The following STK32B variants were observed in gnomAD, a reference collection of about 807,000 sequenced individuals.
STK32B encodes the protein serine/threonine kinase 32B.
A neutral mutation model predicts 52.6 loss-of-function variants in STK32B; 43 were observed. The observed-to-expected ratio is 0.82, with a 90% CI of 0.64 to 1.05. STK32B has a LOEUF of 1.05. STK32B is among the 50% of genes least tolerant of loss of function. STK32B has a pLI of 0.00. For missense variants in STK32B, 621 were observed against 534.6 expected (o/e 1.16, Z -1.59); for synonymous variants, 238 against 204.3 (o/e 1.17, Z -1.41).
intron 1 of STK32B, among the ~76,000 whole-genome samples, chr4:5,074,688 C>T (rs765587083): frequency 6.3e-4 from 96 of 152,122 alleles, no homozygotes; most frequent in African/African-American, 2.0e-3. Context: ...ATGAATATTA[C>T]GCTATTTTAT....
chr4:5,088,050 A>G (rs1050882596), intron 1 of STK32B, among the ~76,000 whole-genome samples: 3 of 152,100 alleles, frequency 2.0e-5, no homozygotes. Flanking sequence ...TTGACCATAA[A>G]ACAGTCTCAA....
intron 3 of STK32B, among the ~76,000 whole-genome samples, chr4:5,270,493 C>G (rs537868982): frequency 7.2e-5 from 11 of 152,064 alleles, no homozygotes; most frequent in Non-Finnish European, 1.5e-4. Flanking sequence ...CCTTTGGTAA[C>G]ACCCTCACAG....
At chr4:5,405,861 C>T (rs965203220) in intron 5 of STK32B, among the ~76,000 whole-genome samples, 2 of 152,224 alleles carry the variant, frequency 1.3e-5, no homozygotes, top group Non-Finnish European at 2.9e-5. Flanking sequence ...AGACACACAC[C>T]GTATTATTTC....
At chr4:5,030,468 T>G in the STK32B span, among the ~76,000 whole-genome samples, 1 of 152,224 alleles carries the variant, frequency 6.6e-6, no homozygotes. Flanking sequence ...TGCTGTCATA[T>G]CCTGGCATGA....
intron 3 of STK32B, among the ~76,000 whole-genome samples, chr4:5,191,028 C>T (rs56174456): frequency 0.15 from 22,633 of 152,180 alleles, 1,845 homozygotes; most frequent in African/African-American, 0.21. Flanking sequence ...TGAGGAATTT[C>T]AGAGGGAAAA....
At chr4:5,080,290 G>A (rs1222035289) in intron 1 of STK32B, among the ~76,000 whole-genome samples, 5 of 152,096 alleles carry the variant, frequency 3.3e-5, no homozygotes, top group African/African-American at 9.7e-5. Context: ...TGTATACCAA[G>A]GCCATACCTC....
chr4:5,384,928 C>T (rs1349395495), intron 4 of STK32B, among the ~76,000 whole-genome samples: 1 of 152,064 alleles, frequency 6.6e-6, no homozygotes, highest in Non-Finnish European at 1.5e-5. Flanking sequence ...GAGTCAAGAA[C>T]TTAAGAGGCC....
At chr4:5,165,469 C>A (rs1180115240) in intron 2 of STK32B, among the ~76,000 whole-genome samples, 1 of 152,166 alleles carries the variant, frequency 6.6e-6, no homozygotes, top group Non-Finnish European at 1.5e-5. Context: ...AGGGACGCAG[C>A]CCCGGGGACG....
Position 5,460,061 on chromosome 4 carries a change from G to A in STK32B, c.784-42G>A. The A allele has an allele frequency of 6.2e-7, 1 of 1,614,088 alleles. No homozygotes were observed. Among genetic ancestry groups the A allele is most frequent in the Non-Finnish European group, 8.5e-7 (1 of 1,180,012 alleles). ...CTTCAGAGTCCCCGCTAACCTTGAG[G>A]GATGCCCAATTCATGGAAACTCATT... On this transcript the variant is annotated intron_variant, in intron 8 of 11. Coordinates refer to ENST00000282908, the MANE Select transcript of STK32B (RefSeq NM_018401.3). This position sits in a 1 kb window ranked among gnomAD's most constrained non-coding sequence, Gnocchi z 4.8.
intron 4 of STK32B, among the ~76,000 whole-genome samples, chr4:5,392,255 G>A (rs988685773): frequency 8.6e-5 from 13 of 151,962 alleles, no homozygotes; most frequent in Non-Finnish European, 1.5e-4. Context: ...GTGATACGCC[G>A]TCTCTACTAA....
chr4:5,423,120 C>T (rs559929733), intron 6 of STK32B, among the ~76,000 whole-genome samples: 7 of 152,140 alleles, frequency 4.6e-5, no homozygotes, highest in East Asian at 1.9e-4. Context: ...GTGCTGGAGA[C>T]CACTATGATC....
chr4:5,188,778 T>C (rs1050340134), intron 3 of STK32B, among the ~76,000 whole-genome samples: 8 of 138,068 alleles, frequency 5.8e-5, no homozygotes, highest in African/African-American at 2.6e-4. Flanking sequence ...ACTGCCATCT[T>C]TTTTTTTTTT....
chr4:5,259,278 G>C (rs1038984501), intron 3 of STK32B, among the ~76,000 whole-genome samples: 1 of 152,198 alleles, frequency 6.6e-6, no homozygotes, highest in African/African-American at 2.4e-5. Context: ...GAATTCTTAT[G>C]TCTGTTTCTT....
intron 11 of STK32B, among the ~76,000 whole-genome samples, chr4:5,491,466 T>C (rs1215448659): frequency 2.0e-5 from 3 of 152,196 alleles, no homozygotes; most frequent in Non-Finnish European, 4.4e-5. Context: ...TCATTGTAGA[T>C]TCTGGATATT....
chr4:5,219,017 G>C (rs1188337678), intron 3 of STK32B, among the ~76,000 whole-genome samples: 1 of 152,214 alleles, frequency 6.6e-6, no homozygotes, highest in East Asian at 1.9e-4. Flanking sequence ...CCAAATTGTG[G>C]GGCCTGGAGA....
Position 5,483,689 on chromosome 4 carries a change from A to G in STK32B, c.1107-15256A>G, listed in dbSNP as rs182019803. On this transcript the variant is annotated intron_variant, in intron 11 of 11. Transcript: ENST00000282908. ...TTTTAATTGTGATGTTAGGGTATCA[A>G]TTTTAGATCTTTCCTGCTTTCTCTT... 4.0e-3 allele frequency among the ~76,000 whole-genome samples: 611 copies of G among 152,028 alleles called. 6 individuals carry two copies. The highest frequency in any genetic ancestry group is 0.013 in the African/African-American group (550 of 41,436).
At chr4:5,426,209 A>G (rs1237104900) in intron 6 of STK32B, among the ~76,000 whole-genome samples, 1 of 152,148 alleles carries the variant, frequency 6.6e-6, no homozygotes, top group Non-Finnish European at 1.5e-5. Context: ...GCAGCGAATG[A>G]GAGACCCGGT....
At chr4:5,381,766 T>A (rs2109024209) in intron 4 of STK32B, among the ~76,000 whole-genome samples, 1 of 152,324 alleles carries the variant, frequency 6.6e-6, no homozygotes, top group Admixed American at 6.5e-5. Context: ...GGTAATGGGT[T>A]CTGGAAGCAG....
intron 5 of STK32B, among the ~76,000 whole-genome samples, chr4:5,414,643 A>G (rs2109068199): frequency 6.6e-6 from 1 of 152,370 alleles, no homozygotes; most frequent in Non-Finnish European, 1.5e-5. Context: ...ATGCAGTATG[A>G]TCTCATTTGG....
Sources: gnomAD v4.1 joint callset for allele counts (sites outside exome capture counted in the v4.1 genomes callset) on GRCh38, gnomAD v4.1.1 for gene constraint, Gnocchi (gnomAD v3.1) non-coding constraint, MANE v1.5 for transcripts, NCBI Gene and HGNC (gene_info 2026-07-23, HGNC 2026-07-21) for gene names.